NRG3: variants seen among roughly 807,000 people sequenced by gnomAD.
The protein encoded by NRG3 is pro-neuregulin-3, membrane-bound isoform.
In NRG3, 31 loss-of-function variants were observed where a neutral mutation model predicts 66.9. The ratio of observed to expected loss-of-function variants is 0.46; its 90% CI spans 0.35 to 0.63. The LOEUF (loss-of-function observed/expected upper bound fraction) is 0.63, where lower values mean the gene tolerates loss of function less well. Ranked by LOEUF, NRG3 falls within the 20% of genes least tolerant of loss-of-function variation. The pLI, the probability that NRG3 is intolerant of heterozygous loss-of-function variation, is 0.00. For missense variants in NRG3, 910 were observed against 878.9 expected, an observed-to-expected ratio of 1.04 and a Z score of -0.45; for synonymous variants, 393 against 359.4, an observed-to-expected ratio of 1.09 and a Z score of -1.06.
At chr10:82,547,713 T>C (rs1298152550) in intron 2 of NRG3, among the ~76,000 whole-genome samples, 1 of 152,008 alleles carries the variant, frequency 6.6e-6, no homozygotes. Flanking sequence ...GCTGGCTTTT[T>C]CCCATTCAAG....
rs557257068 is a variant in NRG3, at chr10:82,284,886, G to A, written c.824-73853G>A. ...ATTGTTTCCCATTCCAATACTGTAT[G>A]CATTTTTCTTTCCTAATTGGCGCTT... On this transcript the variant is annotated intron_variant, in intron 1 of 8. Coordinates refer to ENST00000372141, the MANE Select transcript of NRG3 (RefSeq NM_001010848.4). 3.3e-5 allele frequency among the ~76,000 whole-genome samples: 5 copies of A among 152,126 alleles called. No individual in the cohort carries two copies. In the South Asian group the frequency reaches 1.0e-3, roughly 32 times the overall value.
rs181500504 is a variant in NRG3 at position 82,909,798 on chromosome 10, A to C, written c.1055-41671A>C. Among the ~76,000 whole-genome samples, 22 of 152,356 alleles carry C rather than the reference A, an allele frequency of 1.4e-4. No individual in the cohort carries two copies. In the East Asian group the frequency reaches 2.5e-3, roughly 17 times the overall value. On this transcript the variant is annotated intron_variant, in intron 4 of 8. Transcript: ENST00000372141. The stretch of plus-strand genomic sequence containing the variant: ...ATGAGTAACAGTGATAAGAACAAGA[A>C]GAAGGATTTATGTTAATTTAGAACA...
At chr10:82,313,920 C>G (rs554840732) in intron 1 of NRG3, among the ~76,000 whole-genome samples, 26 of 152,280 alleles carry the variant, frequency 1.7e-4, no homozygotes, top group African/African-American at 6.0e-4. Flanking sequence ...GATTCTGACC[C>G]ATTTTTTCCA....
intron 1 of NRG3, among the ~76,000 whole-genome samples, chr10:82,057,892 C>A (rs1200836076): frequency 1.3e-5 from 2 of 152,064 alleles, no homozygotes; most frequent in Non-Finnish European, 1.5e-5. Flanking sequence ...CTCCGGGCCA[C>A]CAGTGATTGG....
chr10:82,900,484 G>C (rs573571593), intron 4 of NRG3, among the ~76,000 whole-genome samples: 2 of 152,012 alleles, frequency 1.3e-5, no homozygotes, highest in East Asian at 3.9e-4. Flanking sequence ...ATGATGTATT[G>C]CCTTTAAAAA....
At chr10:82,930,439 A>G (rs1425936419) in intron 4 of NRG3, among the ~76,000 whole-genome samples, 1 of 152,176 alleles carries the variant, frequency 6.6e-6, no homozygotes, top group African/African-American at 2.4e-5. Context: ...GAGAATTGCA[A>G]GGGGATCTCA....
chr10:82,800,445 TCCC>T (rs2060988697), intron 3 of NRG3, among the ~76,000 whole-genome samples: 1 of 152,176 alleles, frequency 6.6e-6, no homozygotes, highest in African/African-American at 2.4e-5. Flanking sequence ...TTTTTAAGCA[TCCC>T]AATCATTAGC....
intron 1 of NRG3, among the ~76,000 whole-genome samples, chr10:82,200,604 C>G (rs1007094605): frequency 1.3e-5 from 2 of 152,086 alleles, no homozygotes; most frequent in African/African-American, 4.8e-5. Context: ...GGTTCTAACT[C>G]TATCTTTACA....
chr10:82,299,211 G>A (rs1451108223), intron 1 of NRG3, among the ~76,000 whole-genome samples: 1 of 152,142 alleles, frequency 6.6e-6, no homozygotes, highest in African/African-American at 2.4e-5. Context: ...TGACAAGAGG[G>A]CTGATGTTCC....
chr10:82,092,637 G>A (rs1191354239), intron 1 of NRG3, among the ~76,000 whole-genome samples: 1 of 152,144 alleles, frequency 6.6e-6, no homozygotes, highest in Non-Finnish European at 1.5e-5. Flanking sequence ...TATAGCAGGA[G>A]AAGCACTATG....
chr10:82,408,093 A>AAG (rs2087724957), intron 2 of NRG3, among the ~76,000 whole-genome samples: 2 of 82,596 alleles, frequency 2.4e-5, no homozygotes, highest in African/African-American at 1.1e-4. Flanking sequence ...GACAGAAAGA[A>AAG]AGAAAGAAAG....
chr10:82,902,127 C>T (rs1418252151), intron 4 of NRG3, among the ~76,000 whole-genome samples: 4 of 152,008 alleles, frequency 2.6e-5, no homozygotes, highest in South Asian at 2.1e-4. Context: ...TCATGGACAA[C>T]CTTGATGATG....
At position 81,875,591 on chromosome 10, in the gene NRG3, T is replaced by C. The variant is rs1841545145; in HGVS notation, c.251T>C (p.Met84Thr). 6.2e-7 allele frequency: 1 copy of C among 1,613,554 alleles called. No individual in the cohort carries two copies. Among genetic ancestry groups the C allele is most frequent in the African/African-American group, 1.3e-5 (1 of 74,908 alleles). The stretch of plus-strand genomic sequence containing the variant: ...TTCATCGGCCTGGGGCTCAGCCTCA[T>C]GCTTCTCAAATGGATCGTGGTGGGC... ...IGFIGLGLSL[M>T]LLKWIVVGSV... is the part of the protein sequence containing the mutation. Residue 84 changes from methionine (M) to threonine (T), a missense_variant, in exon 1 of 9, where the codon ATG (methionine) becomes ACG (threonine). Transcript: ENST00000372141. The surrounding 1 kb of genome is among the most constrained non-coding windows in gnomAD (Gnocchi z 5.3).
chr10:82,923,627 T>C (rs758857898), intron 4 of NRG3, among the ~76,000 whole-genome samples: 1 of 152,222 alleles, frequency 6.6e-6, no homozygotes, highest in Non-Finnish European at 1.5e-5. Flanking sequence ...TACAAATGTA[T>C]GTATTAAAAA....
At chr10:82,810,640 G>A (rs1230197286) in intron 3 of NRG3, among the ~76,000 whole-genome samples, 1 of 150,684 alleles carries the variant, frequency 6.6e-6, no homozygotes, top group Non-Finnish European at 1.5e-5. Flanking sequence ...GTGGGTGCCT[G>A]TAATCCCAGC....
intron 2 of NRG3, among the ~76,000 whole-genome samples, chr10:82,554,797 C>T (rs1350771427): frequency 6.6e-6 from 1 of 152,160 alleles, no homozygotes; most frequent in East Asian, 1.9e-4. Flanking sequence ...TGTGTAACCA[C>T]TAAAAGCAGT....
intron 4 of NRG3, among the ~76,000 whole-genome samples, chr10:82,908,426 T>C (rs1001588264): frequency 1.3e-5 from 2 of 152,200 alleles, no homozygotes; most frequent in Admixed American, 6.5e-5. Context: ...GAGCAGAAGA[T>C]ACACTGAGAC....
chr10:82,518,574 A>G (rs781216393), intron 2 of NRG3, among the ~76,000 whole-genome samples: 3 of 152,114 alleles, frequency 2.0e-5, no homozygotes, highest in Non-Finnish European at 4.4e-5. Context: ...CTTTAAAAAT[A>G]TTTTATTTGG....
intron 1 of NRG3, among the ~76,000 whole-genome samples, chr10:82,167,710 G>A (rs180917919): frequency 8.6e-5 from 13 of 151,980 alleles, no homozygotes; most frequent in Admixed American, 1.3e-4. Context: ...TGTGATAAGC[G>A]TTTGTTGTAC....
Sources: gnomAD v4.1 joint callset for allele counts (sites outside exome capture counted in the v4.1 genomes callset) on GRCh38, gnomAD v4.1.1 for gene constraint, Gnocchi (gnomAD v3.1) non-coding constraint, MANE v1.5 for transcripts, NCBI Gene and HGNC (gene_info 2026-07-23, HGNC 2026-07-21) for gene names.